The following ROBO2 variants were observed in gnomAD, a reference collection of about 807,000 sequenced individuals.
ROBO2 encodes roundabout homolog 2.
Under a neutral mutation model 160.8 loss-of-function variants are expected in ROBO2, and 53 were observed. The ratio of observed to expected loss-of-function variants is 0.33; its 90% CI spans 0.26 to 0.41. The LOEUF (loss-of-function observed/expected upper bound fraction) is 0.41, where lower values mean the gene tolerates loss of function less well. Among genes scored for constraint, ROBO2 ranks in the 10% least tolerant of loss-of-function variants. The pLI is 1.00. For missense variants in ROBO2, 1,577 were observed against 1,722.4 expected (o/e 0.92, Z 1.49); for synonymous variants, 664 against 611.7 (o/e 1.09, Z -1.26).
chr3:76,696,982 G>C (rs1242903331), intron 2 of ROBO2, among the ~76,000 whole-genome samples: 1 of 152,070 alleles, frequency 6.6e-6, no homozygotes, highest in African/African-American at 2.4e-5. Context: ...TGCTGGACTG[G>C]GATATTGAGA....
intron 2 of ROBO2, among the ~76,000 whole-genome samples, chr3:77,473,578 C>T (rs1043600752): frequency 6.7e-6 from 1 of 150,246 alleles, no homozygotes; most frequent in Non-Finnish European, 1.5e-5. Flanking sequence ...CTCAGCCTCC[C>T]GAGTAGCTGG....
At chr3:77,108,547 G>C (rs575445093) in intron 2 of ROBO2, among the ~76,000 whole-genome samples, 2 of 152,170 alleles carry the variant, frequency 1.3e-5, no homozygotes, top group South Asian at 2.1e-4. Flanking sequence ...AGTAAAACGG[G>C]TTAAAGAGCA....
chr3:76,993,051 C>T (rs2060783021), intron 2 of ROBO2, among the ~76,000 whole-genome samples: 1 of 152,082 alleles, frequency 6.6e-6, no homozygotes, highest in African/African-American at 2.4e-5. Context: ...CTCCTGACCT[C>T]AAGTGAGCCA....
intron 2 of ROBO2, among the ~76,000 whole-genome samples, chr3:76,332,624 T>C (rs920874556): frequency 5.9e-5 from 9 of 152,330 alleles, no homozygotes; most frequent in Non-Finnish European, 1.3e-4. Flanking sequence ...GAAAGCTGTT[T>C]ACACATTTCT....
chr3:77,577,618 G>A lies in ROBO2; in HGVS notation c.2328+4G>A, dbSNP rs575438375. ...TGGAATTATCCAAGAATACAAGGTA[G>A]GACCCGGGTGAAGAAGGACAGCTCT... On this transcript the variant is annotated splice_donor_region_variant and intron_variant, in intron 15 of 25. Coordinates refer to ENST00000461745, the Ensembl canonical transcript of ROBO2. The A allele has an allele frequency of 5.0e-6, 8 of 1,613,118 alleles. No individual in the cohort carries two copies. In the African/African-American group the frequency reaches 6.7e-5, roughly 13 times the overall value.
At chr3:77,410,744 T>TCCTCCTCC (rs1560759245) in intron 2 of ROBO2, among the ~76,000 whole-genome samples, 5 of 28,932 alleles carry the variant, frequency 1.7e-4, no homozygotes, top group African/African-American at 3.0e-4. Flanking sequence ...CCTCCTCCTT[T>TCCTCCTCC]TCCTCCTCCT....
intron 2 of ROBO2, among the ~76,000 whole-genome samples, chr3:76,662,700 G>A (rs1174961150): frequency 6.6e-6 from 1 of 152,166 alleles, no homozygotes; most frequent in African/African-American, 2.4e-5. Flanking sequence ...AGGGTCAGGA[G>A]AGAGAAGGAA....
chr3:77,148,075 G>A (rs1350300794), intron 2 of ROBO2, among the ~76,000 whole-genome samples: 1 of 152,218 alleles, frequency 6.6e-6, no homozygotes, highest in Non-Finnish European at 1.5e-5. Context: ...CTGTCAGCAA[G>A]TGATTTTATT....
At chr3:77,238,492 G>T (rs1436999818) in intron 2 of ROBO2, among the ~76,000 whole-genome samples, 1 of 151,834 alleles carries the variant, frequency 6.6e-6, no homozygotes, top group African/African-American at 2.4e-5. Flanking sequence ...TTTCCATTTT[G>T]CCAATTTGAT....
chr3:76,947,894 AT>A (rs1040144642), intron 2 of ROBO2, among the ~76,000 whole-genome samples: 18 of 152,010 alleles, frequency 1.2e-4, no homozygotes, highest in Non-Finnish European at 2.4e-4. Flanking sequence ...AAATTATTCT[AT>A]TTGTTTTATA....
intron 2 of ROBO2, among the ~76,000 whole-genome samples, chr3:77,282,120 C>T (rs1244305490): frequency 2.0e-5 from 3 of 150,794 alleles, no homozygotes; most frequent in Non-Finnish European, 3.0e-5. Flanking sequence ...AAAAATGTCT[C>T]TACATGTTCA....
intron 2 of ROBO2, among the ~76,000 whole-genome samples, chr3:77,316,476 C>T (rs1047633835): frequency 4.6e-5 from 7 of 152,084 alleles, no homozygotes; most frequent in African/African-American, 1.7e-4. Context: ...TTACCAGCTA[C>T]CACTTGAAGG....
At chr3:77,029,260 T>C (rs915639852) in intron 2 of ROBO2, among the ~76,000 whole-genome samples, 1 of 152,184 alleles carries the variant, frequency 6.6e-6, no homozygotes, top group African/African-American at 2.4e-5. Context: ...CCAATGTACA[T>C]ATGAAAAAGT....
At chr3:76,669,532 T>C (rs1027941435) in intron 2 of ROBO2, among the ~76,000 whole-genome samples, 2 of 152,144 alleles carry the variant, frequency 1.3e-5, no homozygotes, top group Non-Finnish European at 2.9e-5. Context: ...CCAGTTTTAT[T>C]CTACTGTTGT....
intron 2 of ROBO2, among the ~76,000 whole-genome samples, chr3:75,992,640 T>A (rs2065607376): frequency 6.6e-6 from 1 of 152,094 alleles, no homozygotes; most frequent in South Asian, 2.1e-4. Flanking sequence ...CTAGTGGAGC[T>A]GTGAGAAGAG....
At chr3:76,057,539 C>T (rs1042233831) in intron 2 of ROBO2, among the ~76,000 whole-genome samples, 2 of 152,094 alleles carry the variant, frequency 1.3e-5, no homozygotes, top group African/African-American at 4.8e-5. Context: ...CTTCTGCATT[C>T]GGAATTATCC....
intron 2 of ROBO2, among the ~76,000 whole-genome samples, chr3:76,664,944 G>T (rs2091965114): frequency 6.6e-6 from 1 of 152,186 alleles, no homozygotes; most frequent in Admixed American, 6.5e-5. Flanking sequence ...AAGAATGGTG[G>T]TCAACAGAGT....
chr3:76,381,875 T>C (rs1241037138), intron 2 of ROBO2, among the ~76,000 whole-genome samples: 2 of 152,202 alleles, frequency 1.3e-5, no homozygotes, highest in Admixed American at 6.5e-5. Context: ...CGGTTTAATG[T>C]CAAGCTGGGG....
intron 2 of ROBO2, among the ~76,000 whole-genome samples, chr3:76,769,744 G>T (rs2061776979): frequency 6.6e-6 from 1 of 151,406 alleles, no homozygotes; most frequent in East Asian, 2.0e-4. Flanking sequence ...ATTCACCCCT[G>T]ATGTTTCAGT....
Sources: allele counts gnomAD v4.1 joint callset (sites outside exome capture counted in the v4.1 genomes callset), GRCh38; gene constraint gnomAD v4.1.1; transcripts MANE v1.5; gene names NCBI Gene and HGNC (gene_info 2026-07-23, HGNC 2026-07-21).